TTC3: variants seen among roughly 807,000 people sequenced by gnomAD.
TTC3 encodes tetratricopeptide repeat domain 3.
In TTC3, 180 loss-of-function variants were observed where a neutral mutation model predicts 249.6. That is an observed-to-expected ratio of 0.72 (90% CI 0.64 to 0.82). The LOEUF is 0.82. TTC3 is among the 40% of genes least tolerant of loss of function. TTC3 has a pLI of 0.00. For synonymous variants in TTC3, 717 were observed against 805.0 expected (o/e 0.89, Z 1.85); for missense variants, 2,061 against 2,398.4 (o/e 0.86, Z 2.94).
At chr21:37,111,112 A>G (rs2075616137) in intron 11 of TTC3, among the ~76,000 whole-genome samples, 1 of 152,234 alleles carries the variant, frequency 6.6e-6, no homozygotes, top group Admixed American at 6.5e-5. Context: ...GCCAATTTGT[A>G]AAGACCATCA....
chr21:37,138,437 G>A (rs573040280), intron 18 of TTC3, among the ~76,000 whole-genome samples, 197 bp from the exon 19 acceptor site: 2 of 152,286 alleles, frequency 1.3e-5, no homozygotes, highest in South Asian at 4.1e-4. Context: ...TAAATAGCAG[G>A]ATAACTGCTT....
chr21:37,094,200 A>G (rs1601354816), intron 8 of TTC3, 110 bp downstream of exon 8: 1 of 511,690 alleles, frequency 2.0e-6, no homozygotes, highest in South Asian at 4.9e-5. Flanking sequence ...AAATTGGATG[A>G]CATATTTGAG....
At chr21:37,083,353 G>T in intron 1 of TTC3, 4 of 985,430 alleles carry the variant, frequency 4.1e-6, no homozygotes, top group Non-Finnish European at 4.8e-6. Context: ...AAGCTGAAGG[G>T]AAGCTGTTGC....
chr21:37,149,022 T>C (rs1023482548), intron 23 of TTC3, among the ~76,000 whole-genome samples: 1 of 152,162 alleles, frequency 6.6e-6, no homozygotes, highest in Non-Finnish European at 1.5e-5. Context: ...ATTAGGGATT[T>C]CAAAACCAAA....
intron 14 of TTC3, 148 bp from the exon 15 acceptor site, chr21:37,125,932 A>G (rs2077005763): frequency 1.7e-6 from 1 of 602,214 alleles, no homozygotes; most frequent in Non-Finnish European, 2.8e-6. Context: ...TTGCTTGTTT[A>G]TACATTTAGG....
intron 18 of TTC3, among the ~76,000 whole-genome samples, chr21:37,137,370 A>T (rs1182755171): frequency 6.6e-6 from 1 of 152,200 alleles, no homozygotes; most frequent in Non-Finnish European, 1.5e-5. Context: ...CATGTGAGAG[A>T]TCAAAATATC....
At chr21:37,147,343 T>G in intron 21 of TTC3, 138 bp from the exon 22 acceptor site, 2 of 689,316 alleles carry the variant, frequency 2.9e-6, no homozygotes, top group Non-Finnish European at 4.4e-6. Context: ...AAAAGTTGTA[T>G]GTAGTTTGTT....
intron 35 of TTC3, among the ~76,000 whole-genome samples, chr21:37,179,022 A>G (rs143366749): frequency 6.6e-6 from 1 of 152,164 alleles, no homozygotes; most frequent in Non-Finnish European, 1.5e-5. Context: ...CTATAATCCC[A>G]GCACTTTGGG....
chr21:37,179,258 G>A (rs1222317820), intron 35 of TTC3, among the ~76,000 whole-genome samples: 2 of 152,186 alleles, frequency 1.3e-5, no homozygotes, highest in Non-Finnish European at 2.9e-5. Flanking sequence ...CTGCACTACA[G>A]TTTGGGCAAC....
chr21:37,142,934 T>C (rs368844328), intron 20 of TTC3, among the ~76,000 whole-genome samples: 2 of 152,192 alleles, frequency 1.3e-5, no homozygotes, highest in East Asian at 1.9e-4. Context: ...CCCTCAGAAA[T>C]AATACCACAC....
At position 37,077,100 on chromosome 21, in the gene TTC3, C is replaced by CTT. The variant is rs5843791; in HGVS notation, c.-12+3745_-12+3746dup. On this transcript the variant is annotated intron_variant, in intron 1 of 45. Transcript: ENST00000355666. ...AAGAGAGATATTTCCAATAAAGTTG[C>CTT]TTTTTTTTTTATGTTATCAGGGTAT... Among the ~76,000 whole-genome samples, 36 of 149,072 alleles carry CTT rather than the reference C, an allele frequency of 2.4e-4. 1 individual carries two copies. The highest frequency in any genetic ancestry group is 3.4e-3 in the Middle Eastern group (1 of 290).
chr21:37,147,556 C>T (rs915205703), exon 22 of TTC3: 1 of 1,611,616 alleles, frequency 6.2e-7, no homozygotes, highest in South Asian at 1.1e-5. Context: ...TCAGAAGTGC[C>T]ATGGATATTC....
intron 10 of TTC3, among the ~76,000 whole-genome samples, chr21:37,103,436 A>G (rs1027753180): frequency 2.6e-5 from 4 of 152,160 alleles, no homozygotes; most frequent in African/African-American, 9.7e-5. Context: ...ACCAAAAGTC[A>G]AACCTGATTA....
intron 1 of TTC3, among the ~76,000 whole-genome samples, chr21:37,078,606 C>CTCAT (rs141824254): frequency 6.6e-6 from 1 of 151,406 alleles, no homozygotes; most frequent in Non-Finnish European, 1.5e-5. Flanking sequence ...AATATTTTAA[C>CTCAT]TTATTGTTAA....
chr21:37,096,796 TATA>T, intron 10 of TTC3, 153 bp downstream of exon 10: 1 of 567,876 alleles, frequency 1.8e-6, no homozygotes, highest in South Asian at 2.6e-5. Flanking sequence ...AGGCTTTATA[TATA>T]ATAACAACAG....
chr21:37,083,481 C>T, intron 1 of TTC3: 1 of 822,750 alleles, frequency 1.2e-6, no homozygotes, highest in Non-Finnish European at 1.5e-6. Context: ...ACAGTGAAGG[C>T]AGTGGCACTG....
Position 37,153,081 on chromosome 21 carries a change from G to A in TTC3, c.2544G>A (p.Trp848Ter). 6.2e-7 allele frequency: 1 copy of A among 1,613,806 alleles called. No individual in the cohort carries two copies. The highest frequency in any genetic ancestry group is 8.5e-7 in the Non-Finnish European group (1 of 1,180,010). ...TGCTTCTCAAAGAATTGCTTTCTTG[G>A]AAAGTTTTGAGCACAGAAGACTATA... Residue 848 changes from tryptophan (W) to a stop codon, truncating the protein, a stop_gained, in exon 27 of 46, where the codon TGG becomes TGA. Coordinates refer to ENST00000355666, the Ensembl canonical transcript of TTC3. LOFTEE classifies it high-confidence loss of function.
At chr21:37,169,150 A>T (rs1370277987) in intron 34 of TTC3, among the ~76,000 whole-genome samples, 3 of 152,246 alleles carry the variant, frequency 2.0e-5, no homozygotes, top group Non-Finnish European at 4.4e-5. Context: ...GGTCTATACA[A>T]GGCTGTGACT....
intron 16 of TTC3, among the ~76,000 whole-genome samples, chr21:37,129,630 T>A (rs543615022): frequency 6.6e-6 from 1 of 151,938 alleles, no homozygotes; most frequent in South Asian, 2.1e-4. Context: ...TTGCCTCCTA[T>A]CTTTTTTTTT....
Sources: gnomAD v4.1 joint callset for allele counts (sites outside exome capture counted in the v4.1 genomes callset) on GRCh38, gnomAD v4.1.1 for gene constraint, MANE v1.5 for transcripts, NCBI Gene and HGNC (gene_info 2026-07-23, HGNC 2026-07-21) for gene names.